FAM53B: variants seen among roughly 807,000 people sequenced by gnomAD.
The protein encoded by FAM53B is protein FAM53B.
FAM53B carries 12 observed loss-of-function variants against 32.7 expected under a neutral mutation model. The observed-to-expected ratio is 0.37, with a 90% CI of 0.24 to 0.59. The LOEUF (loss-of-function observed/expected upper bound fraction) is 0.59. FAM53B is among the 20% of genes least tolerant of loss of function. FAM53B has a pLI of 0.72. For synonymous variants in FAM53B, 234 were observed against 228.7 expected (o/e 1.02, Z -0.21); for missense variants, 477 against 577.7 (o/e 0.83, Z 1.79).
chr10:124,694,117 TCCC>T (rs1949852881), intron 3 of FAM53B, among the ~76,000 whole-genome samples: 2 of 152,026 alleles, frequency 1.3e-5, no homozygotes, highest in African/African-American at 4.8e-5. Flanking sequence ...GTACAACGGC[TCCC>T]CGCTTCTCCC....
intron 1 of FAM53B, among the ~76,000 whole-genome samples, chr10:124,728,615 A>T (rs1178217979): frequency 6.6e-6 from 1 of 152,238 alleles, no homozygotes; most frequent in Non-Finnish European, 1.5e-5. Context: ...CACAGAACAG[A>T]GGATTCTGTT....
intron 4 of FAM53B, among the ~76,000 whole-genome samples, chr10:124,635,648 C>T (rs911772892): frequency 2.6e-5 from 4 of 152,134 alleles, no homozygotes; most frequent in Admixed American, 2.0e-4. Flanking sequence ...GCGACATCCT[C>T]CAAGAGGCCA....
chr10:124,714,498 C>T (rs1378243258), intron 1 of FAM53B, among the ~76,000 whole-genome samples: 3 of 152,164 alleles, frequency 2.0e-5, no homozygotes, highest in Non-Finnish European at 4.4e-5. Context: ...TGGTGGCTCA[C>T]GCCTGTAATC....
rs149780127 is a variant in FAM53B at position 124,621,595 on chromosome 10, A to T, written c.*1647T>A. ...CAGCTCCTTAAAGCTGATTTTTAAG[A>T]AGTGCCACCCACATATTGGGAACTT... On this transcript the variant is annotated 3_prime_UTR_variant, in exon 5 of 5. Coordinates refer to ENST00000337318, the MANE Select transcript of FAM53B (RefSeq NM_014661.4). 2 of 152,352 alleles carry T rather than the reference A, an allele frequency of 1.3e-5. No homozygotes were observed. The highest frequency in any genetic ancestry group is 3.9e-4 in the East Asian group (2 of 5,186). 9.4% of individuals were successfully genotyped at this position (152,352 alleles called of 1,614,324 possible).
At chr10:124,681,529 A>G in intron 4 of FAM53B, 78 bp downstream of exon 4, 12 of 1,304,506 alleles carry the variant, frequency 9.2e-6, no homozygotes, top group Non-Finnish European at 1.2e-5. Context: ...CTGGCAATCT[A>G]TGCTTGTCTA....
At chr10:124,732,099 C>T (rs1950147265) in intron 1 of FAM53B, among the ~76,000 whole-genome samples, 1 of 152,224 alleles carries the variant, frequency 6.6e-6, no homozygotes, top group African/African-American at 2.4e-5. Context: ...GACCACCATG[C>T]TGGCTCCAGT....
intron 4 of FAM53B, among the ~76,000 whole-genome samples, chr10:124,678,967 A>C (rs1949752814): frequency 6.6e-6 from 1 of 152,194 alleles, no homozygotes; most frequent in Non-Finnish European, 1.5e-5. Flanking sequence ...CAGCTGCTCC[A>C]AAGGTCTAAC....
At chr10:124,656,296 G>A (rs1430774156) in intron 4 of FAM53B, among the ~76,000 whole-genome samples, 2 of 152,218 alleles carry the variant, frequency 1.3e-5, no homozygotes, top group Non-Finnish European at 2.9e-5. Flanking sequence ...CAGGCCCCAC[G>A]ATAAGCATGC....
At chr10:124,706,199 C>T (rs1949956657) in intron 2 of FAM53B, among the ~76,000 whole-genome samples, 1 of 152,194 alleles carries the variant, frequency 6.6e-6, no homozygotes, top group Admixed American at 6.5e-5. Context: ...CTCACCACAC[C>T]TTCTTTCCCC....
intron 2 of FAM53B, among the ~76,000 whole-genome samples, chr10:124,699,663 T>C (rs1342254288): frequency 6.6e-6 from 1 of 152,224 alleles, no homozygotes; most frequent in South Asian, 2.1e-4. Context: ...TGAATTGGGA[T>C]ACCTTCATCG....
At chr10:124,706,007 T>G (rs2134085135) in intron 2 of FAM53B, among the ~76,000 whole-genome samples, 1 of 152,348 alleles carries the variant, frequency 6.6e-6, no homozygotes, top group African/African-American at 2.4e-5. Context: ...GGGAGCAGCC[T>G]GCACTCACAT....
chr10:124,739,286 C>T (rs1039084787), intron 1 of FAM53B, among the ~76,000 whole-genome samples: 1 of 152,234 alleles, frequency 6.6e-6, no homozygotes, highest in African/African-American at 2.4e-5. Flanking sequence ...GCTATGTGGC[C>T]TTGGGCCAGT....
intron 4 of FAM53B, chr10:124,624,051 G>C (rs1039012980): frequency 6.1e-6 from 1 of 163,268 alleles, no homozygotes; most frequent in Admixed American, 5.9e-5. Flanking sequence ...CCGTTAAATG[G>C]AAAAGAAGAG....
At chr10:124,720,921 C>G (rs1362157817) in intron 1 of FAM53B, among the ~76,000 whole-genome samples, 1 of 152,132 alleles carries the variant, frequency 6.6e-6, no homozygotes, top group Non-Finnish European at 1.5e-5. Flanking sequence ...AAATCTGGGC[C>G]GGGTGCGGTG....
intron 4 of FAM53B, among the ~76,000 whole-genome samples, chr10:124,627,563 G>A (rs1004655177): frequency 2.9e-5 from 4 of 137,634 alleles, no homozygotes; most frequent in African/African-American, 9.9e-5. Flanking sequence ...CTCTGGAACA[G>A]GCCTGCCCAG....
At position 124,647,286 on chromosome 10, in the gene FAM53B, G is replaced by A. The variant is rs192127093; in HGVS notation, c.907-23682C>T. On this transcript the variant is annotated intron_variant, in intron 4 of 4. Transcript: ENST00000337318. ...AGTCTAAGTGACTTGGATGAATGGC[G>A]CAGAAAGCCACGGCAAATCTCCCTG... Among the ~76,000 whole-genome samples, 173 of 152,272 alleles carry A rather than the reference G, an allele frequency of 1.1e-3. 1 individual carries two copies. Among genetic ancestry groups the A allele is most frequent in the Admixed American group, 3.7e-3 (56 of 15,306 alleles).
intron 4 of FAM53B, among the ~76,000 whole-genome samples, chr10:124,641,117 C>A (rs1411829185): frequency 6.6e-6 from 1 of 152,228 alleles, no homozygotes. Flanking sequence ...CCCTCAGGGG[C>A]TGTCCAGAGT....
Position 124,620,364 on chromosome 10 carries a change from A to ACCC in FAM53B, c.*2877_*2878insGGG, listed in dbSNP as rs1390136160. ...GTGCATGTGGCACTAAGCCCCCCCC[A>ACCC]CCGCCCCGGCTTTCCTGCAGGCTTA... is the stretch of plus-strand genomic sequence containing the variant. On this transcript the variant is annotated 3_prime_UTR_variant, in exon 5 of 5. Transcript: ENST00000337318. 2 of 135,408 alleles carry ACCC rather than the reference A, an allele frequency of 1.5e-5. No homozygotes were observed. The highest frequency in any genetic ancestry group is 7.3e-5 in the Admixed American group (1 of 13,680). 8.4% of individuals were successfully genotyped at this position (135,408 alleles called of 1,614,324 possible). A position where few individuals can be genotyped will look rare whatever the true frequency, so the allele number is the denominator to read the frequency against.
chr10:124,721,868 G>A (rs559382779), intron 1 of FAM53B, among the ~76,000 whole-genome samples: 1 of 152,186 alleles, frequency 6.6e-6, no homozygotes, highest in Non-Finnish European at 1.5e-5. Flanking sequence ...GCCAAGATGG[G>A]AAGTGGCCTA....
Sources: gnomAD v4.1 joint callset for allele counts (sites outside exome capture counted in the v4.1 genomes callset) on GRCh38, gnomAD v4.1.1 for gene constraint, MANE v1.5 for transcripts, NCBI Gene and HGNC (gene_info 2026-07-23, HGNC 2026-07-21) for gene names.